Variants in DCC observed in about 807,000 individuals in gnomAD.
DCC encodes netrin receptor DCC.
DCC carries 58 observed loss-of-function variants against 172.5 expected under a neutral mutation model. The observed-to-expected ratio is 0.34, with a 90% CI of 0.27 to 0.42. The LOEUF (loss-of-function observed/expected upper bound fraction) is 0.42, where lower values mean the gene tolerates loss of function less well. Among genes scored for constraint, DCC ranks in the 10% least tolerant of loss-of-function variants. The pLI is 1.00. For synonymous variants in DCC, 709 were observed against 644.5 expected, an observed-to-expected ratio of 1.10 and a Z score of -1.52; for missense variants, 1,740 against 1,791.0, an observed-to-expected ratio of 0.97 and a Z score of 0.51.
At chr18:52,407,262 C>A (rs1233471013) in intron 1 of DCC, among the ~76,000 whole-genome samples, 3 of 151,932 alleles carry the variant, frequency 2.0e-5, no homozygotes, top group Non-Finnish European at 1.5e-5. Flanking sequence ...AAACTTTGTA[C>A]CTTAGCGTTG....
chr18:52,515,779 T>C (rs1314104094), intron 1 of DCC, among the ~76,000 whole-genome samples: 1 of 150,692 alleles, frequency 6.6e-6, no homozygotes, highest in Non-Finnish European at 1.5e-5. Flanking sequence ...ACTGTTGCTT[T>C]GTAAAAGACC....
intron 5 of DCC, among the ~76,000 whole-genome samples, chr18:52,980,269 T>C (rs1428957769): frequency 1.3e-5 from 2 of 152,192 alleles, no homozygotes; most frequent in African/African-American, 4.8e-5. Flanking sequence ...GTGCAATGCA[T>C]TGAATTTTAT....
intron 1 of DCC, among the ~76,000 whole-genome samples, chr18:52,739,817 C>A (rs2036790482): frequency 6.6e-6 from 1 of 152,160 alleles, no homozygotes; most frequent in African/African-American, 2.4e-5. Flanking sequence ...AGAATACCTT[C>A]TTTTTTCATA....
intron 9 of DCC, among the ~76,000 whole-genome samples, chr18:53,193,249 G>A (rs1568357246): frequency 6.6e-6 from 1 of 151,878 alleles, no homozygotes; most frequent in Non-Finnish European, 1.5e-5. Flanking sequence ...GCATGGACCT[G>A]CCCCCGAGAA....
At chr18:53,476,615 A>AT (rs1049524208) in intron 25 of DCC, among the ~76,000 whole-genome samples, 39 of 149,978 alleles carry the variant, frequency 2.6e-4, no homozygotes, top group Non-Finnish European at 2.4e-4. Flanking sequence ...TTATTTATTT[A>AT]TTTTTTTTGT....
At chr18:52,507,972 G>C (rs1160609134) in intron 1 of DCC, among the ~76,000 whole-genome samples, 5 of 151,998 alleles carry the variant, frequency 3.3e-5, no homozygotes, top group African/African-American at 1.2e-4. Context: ...ATGGTGGCAG[G>C]CACCTGTAGT....
chr18:52,848,351 T>C (rs1030592), intron 2 of DCC, among the ~76,000 whole-genome samples: 40,806 of 151,974 alleles, frequency 0.27, 5,724 homozygotes, highest in Admixed American at 0.33. Flanking sequence ...CCTCCCAAAG[T>C]GTTGGGATTA....
At chr18:53,318,481 G>C (rs1568052953) in intron 13 of DCC, among the ~76,000 whole-genome samples, 1 of 152,144 alleles carries the variant, frequency 6.6e-6, no homozygotes, top group Non-Finnish European at 1.5e-5. Flanking sequence ...GGAGAGTTCT[G>C]TAGATGTCTG....
chr18:52,397,341 A>T (rs948104010), intron 1 of DCC, among the ~76,000 whole-genome samples: 1 of 152,056 alleles, frequency 6.6e-6, no homozygotes, highest in Admixed American at 6.6e-5. Flanking sequence ...TCTGTATGGC[A>T]TTGGTGGCAA....
intron 26 of DCC, among the ~76,000 whole-genome samples, chr18:53,488,384 A>G (rs75138932): frequency 6.6e-6 from 1 of 151,626 alleles, no homozygotes. Flanking sequence ...ATTTCAAATT[A>G]AAAAAAAAGA....
chr18:53,233,397 T>C (rs748525497), intron 12 of DCC, among the ~76,000 whole-genome samples: 1 of 152,218 alleles, frequency 6.6e-6, no homozygotes, highest in African/African-American at 2.4e-5. Context: ...CTAGCTCATT[T>C]TCATTCAAAC....
chr18:53,177,193 C>T (rs12456394), intron 8 of DCC, among the ~76,000 whole-genome samples: 42,899 of 139,584 alleles, frequency 0.31, 7,602 homozygotes, highest in East Asian at 0.58. Context: ...GTGGGGGGAG[C>T]GGGGGAGGGA....
chr18:53,262,071 A>G (rs1475729690), intron 12 of DCC, among the ~76,000 whole-genome samples: 2 of 152,232 alleles, frequency 1.3e-5, no homozygotes, highest in African/African-American at 2.4e-5. Flanking sequence ...AGCAAGATCT[A>G]TAGTAAGTTT....
chr18:53,389,339 A>T (rs1287011533), intron 16 of DCC, among the ~76,000 whole-genome samples: 1 of 152,232 alleles, frequency 6.6e-6, no homozygotes, highest in East Asian at 1.9e-4. Flanking sequence ...AAATATTAAT[A>T]GTTTCTGACC....
intron 2 of DCC, among the ~76,000 whole-genome samples, chr18:52,894,416 C>CACAT (rs2039698117): frequency 6.6e-6 from 1 of 151,318 alleles, no homozygotes; most frequent in Non-Finnish European, 1.5e-5. Flanking sequence ...CACACACACA[C>CACAT]ACATGCATAC....
chr18:53,044,752 AT>A (rs1435302653), intron 5 of DCC, among the ~76,000 whole-genome samples: 2 of 151,892 alleles, frequency 1.3e-5, no homozygotes, highest in African/African-American at 4.8e-5. Context: ...TAATAAATTT[AT>A]TTTTCTTTTC....
chr18:53,495,644 T>C (rs1599217327), intron 26 of DCC, among the ~76,000 whole-genome samples: 1 of 152,160 alleles, frequency 6.6e-6, no homozygotes, highest in South Asian at 2.1e-4. Context: ...TGGTGTTCTC[T>C]GTATTTCCTG....
intron 15 of DCC, among the ~76,000 whole-genome samples, chr18:53,351,320 G>A (rs1157311327): frequency 0.017 from 510 of 29,452 alleles, 28 homozygotes; most frequent in African/African-American, 0.044. Flanking sequence ...TATATACACT[G>A]TATATATATA....
Position 53,499,678 on chromosome 18 carries a change from A to G in DCC, c.4111+168A>G, listed in dbSNP as rs375467614. 1.1e-3 allele frequency among the ~76,000 whole-genome samples: 161 copies of G among 152,118 alleles called. 1 individual carries two copies. Among genetic ancestry groups the G allele is most frequent in the African/African-American group, 3.9e-3 (160 of 41,482 alleles). On this transcript the variant is annotated intron_variant, in intron 27 of 28. Transcript: ENST00000442544. ...GATGCTTGTAGTGTAACCCTTAATG[A>G]CCCACCTCCCAAGCAACTGATTGGT...
Sources: gnomAD v4.1 joint callset for allele counts (sites outside exome capture counted in the v4.1 genomes callset) on GRCh38, gnomAD v4.1.1 for gene constraint, MANE v1.5 for transcripts, NCBI Gene and HGNC (gene_info 2026-07-23, HGNC 2026-07-21) for gene names.